The following CALN1 variants were observed in gnomAD, a reference collection of about 807,000 sequenced individuals.
CALN1 encodes the protein calneuron 1, also known as calcium-binding protein 8.
In CALN1, 17 loss-of-function variants were observed where a neutral mutation model predicts 30.6. That is an observed-to-expected ratio of 0.56 (90% CI 0.38 to 0.83). The LOEUF is 0.83. Ranked by LOEUF, CALN1 falls within the 40% of genes least tolerant of loss-of-function variation. The probability of loss-of-function intolerance (pLI) is 0.00; values close to 1 mark genes in which losing one functional copy is unlikely to be tolerated. For synonymous variants in CALN1, 156 were observed against 131.4 expected, an observed-to-expected ratio of 1.19 and a Z score of -1.28; for missense variants, 291 against 354.9, an observed-to-expected ratio of 0.82 and a Z score of 1.45.
At chr7:72,383,423 G>A (rs1805029091) in intron 2 of CALN1, among the ~76,000 whole-genome samples, 1 of 151,912 alleles carries the variant, frequency 6.6e-6, no homozygotes, top group Non-Finnish European at 1.5e-5. Context: ...TCATCAGCAT[G>A]TTATTTTTTG....
chr7:72,000,687 T>C (rs1207112930), intron 5 of CALN1, among the ~76,000 whole-genome samples: 1 of 152,162 alleles, frequency 6.6e-6, no homozygotes, highest in East Asian at 1.9e-4. Flanking sequence ...ACTTACTAAT[T>C]CATTTTACAA....
intron 5 of CALN1, among the ~76,000 whole-genome samples, chr7:71,820,720 T>C (rs1788538669): frequency 6.6e-6 from 1 of 152,232 alleles, no homozygotes; most frequent in South Asian, 2.1e-4. Context: ...CTGTTGAGTA[T>C]CTTTGAGTTG....
rs190682299 is a variant in CALN1, at chr7:72,249,099, C to G, written c.244+29587G>C. ...CCACATGGGTTGTGCTAAAAGGCAA[C>G]TAGACATCGCAGAGTTCTGACTGAC... On this transcript the variant is annotated intron_variant, in intron 3 of 6. Transcript: ENST00000395275. Among the ~76,000 whole-genome samples the G allele has an allele frequency of 2.6e-3, 399 of 152,264 alleles. 1 individual carries two copies. In the Middle Eastern group the frequency reaches 0.034, roughly 13 times the overall value.
chr7:72,403,164 C>T, intron 2 of CALN1, 87 bp downstream of exon 2: 7 of 953,416 alleles, frequency 7.3e-6, no homozygotes, highest in African/African-American at 3.3e-5. Flanking sequence ...CACGCAGCAG[C>T]GGCAAAGCCT....
intron 1 of CALN1, among the ~76,000 whole-genome samples, chr7:72,405,536 CTG>C (rs374721357): frequency 1.0e-3 from 158 of 152,256 alleles, no homozygotes; most frequent in African/African-American, 3.7e-3. Context: ...GCTGCACACT[CTG>C]TCCCCAGCAG....
intron 3 of CALN1, among the ~76,000 whole-genome samples, chr7:72,255,617 C>A (rs1795857637): frequency 6.6e-6 from 1 of 151,610 alleles, no homozygotes; most frequent in South Asian, 2.1e-4. Context: ...GGTTTTGCCA[C>A]ATAGGCCAGG....
Position 72,014,527 on chromosome 7 carries a change from T to C in CALN1, c.501+9130A>G, listed in dbSNP as rs188211466. Among the ~76,000 whole-genome samples, 184 of 152,358 alleles carry C rather than the reference T, an allele frequency of 1.2e-3. 2 individuals are homozygous for C. Among genetic ancestry groups the C allele is most frequent in the African/African-American group, 4.1e-3 (172 of 41,592 alleles). On this transcript the variant is annotated intron_variant, in intron 5 of 6. Transcript: ENST00000395275. ...CGGTGAGGTCGAGCTGTTTTAATGT[T>C]TATTTCAAATGTCTATCAGTTGTCT...
chr7:72,325,375 T>A (rs1299766284), intron 2 of CALN1, among the ~76,000 whole-genome samples: 1 of 151,260 alleles, frequency 6.6e-6, no homozygotes, highest in Non-Finnish European at 1.5e-5. Context: ...CCAAGGTGGG[T>A]GGATCACCTG....
the CALN1 span, among the ~76,000 whole-genome samples, chr7:72,456,196 A>AAG: frequency 1.5e-4 from 23 of 150,122 alleles, no homozygotes; most frequent in East Asian, 2.0e-3. Flanking sequence ...AAAAAAAAAA[A>AAG]AGAGAGAGAG....
the CALN1 span, among the ~76,000 whole-genome samples, chr7:72,479,270 C>A: frequency 6.6e-6 from 1 of 152,090 alleles, no homozygotes; most frequent in South Asian, 2.1e-4. Flanking sequence ...TTGGAAAGTT[C>A]TTTATATATT....
At chr7:72,442,834 T>C (rs1469324007) in intron 1 of CALN1, among the ~76,000 whole-genome samples, 2 of 152,228 alleles carry the variant, frequency 1.3e-5, no homozygotes, top group African/African-American at 4.8e-5. Flanking sequence ...AGGGTTGTGC[T>C]TATTTAGGAT....
At chr7:72,275,736 A>G (rs1212685035) in intron 3 of CALN1, among the ~76,000 whole-genome samples, 1 of 151,916 alleles carries the variant, frequency 6.6e-6, no homozygotes, top group Non-Finnish European at 1.5e-5. Flanking sequence ...TCTTAGAATT[A>G]CTCTCGCTAA....
At chr7:72,230,342 T>TAAAAAA (rs3032182) in intron 3 of CALN1, among the ~76,000 whole-genome samples, 12,845 of 124,616 alleles carry the variant, frequency 0.1, 1,000 homozygotes, top group East Asian at 0.34. Flanking sequence ...CAATAGATAC[T>TAAAAAA]AAAAAAAAAA....
chr7:71,978,804 T>C (rs939652103), intron 5 of CALN1, among the ~76,000 whole-genome samples: 1 of 152,198 alleles, frequency 6.6e-6, no homozygotes, highest in Non-Finnish European at 1.5e-5. Flanking sequence ...TTTCACTATA[T>C]CCTATCACTG....
chr7:71,794,369 T>A (rs182040689), intron 6 of CALN1, among the ~76,000 whole-genome samples: 181 of 152,346 alleles, frequency 1.2e-3, no homozygotes, highest in African/African-American at 3.9e-3. Flanking sequence ...TATCATACAT[T>A]TGCATTGTAC....
At chr7:72,217,668 C>A (rs908635350) in intron 3 of CALN1, among the ~76,000 whole-genome samples, 3 of 151,790 alleles carry the variant, frequency 2.0e-5, no homozygotes, top group Non-Finnish European at 4.4e-5. Flanking sequence ...ACCCAACTGA[C>A]AAACTTGGTG....
At chr7:71,980,425 GATTCTC>G (rs1443641229) in intron 5 of CALN1, among the ~76,000 whole-genome samples, 5 of 152,062 alleles carry the variant, frequency 3.3e-5, no homozygotes, top group Non-Finnish European at 7.4e-5. Context: ...GATCTCAGGT[GATTCTC>G]CTGTCTCTCG....
chr7:71,975,127 C>G (rs1218019254), intron 5 of CALN1, among the ~76,000 whole-genome samples: 3 of 152,084 alleles, frequency 2.0e-5, no homozygotes, highest in African/African-American at 7.2e-5. Context: ...GACAGATACT[C>G]TTCTCTGGGC....
At chr7:72,074,623 G>T (rs1229782983) in intron 4 of CALN1, among the ~76,000 whole-genome samples, 1 of 152,162 alleles carries the variant, frequency 6.6e-6, no homozygotes, top group Non-Finnish European at 1.5e-5. Context: ...GGCCAGGCTG[G>T]TCTCGAACTC....
Sources: gnomAD v4.1 joint callset for allele counts (sites outside exome capture counted in the v4.1 genomes callset) on GRCh38, gnomAD v4.1.1 for gene constraint, MANE v1.5 for transcripts, NCBI Gene and HGNC (gene_info 2026-07-23, HGNC 2026-07-21) for gene names.